The following DENND1A variants were observed in gnomAD, a reference collection of about 807,000 sequenced individuals.
DENND1A encodes the protein DENN domain containing 1A, also known as DENN domain-containing protein 1A.
DENND1A carries 51 observed loss-of-function variants against 113.7 expected under a neutral mutation model. The observed-to-expected ratio is 0.45, with a 90% CI of 0.36 to 0.57. The LOEUF is 0.57. DENND1A is among the 20% of genes least tolerant of loss of function. The probability of loss-of-function intolerance (pLI) is 0.00; values close to 1 mark genes in which losing one functional copy is unlikely to be tolerated. For missense variants in DENND1A, 1,258 were observed against 1,395.9 expected, an observed-to-expected ratio of 0.90 and a Z score of 1.57; for synonymous variants, 565 against 570.8, an observed-to-expected ratio of 0.99 and a Z score of 0.14.
intron 10 of DENND1A, 45 bp downstream of exon 10, chr9:123,630,331 A>G: frequency 7.4e-7 from 1 of 1,346,028 alleles, no homozygotes; most frequent in Non-Finnish European, 1.0e-6. Flanking sequence ...ACGCCCAGTC[A>G]GATCAGGGCA....
At chr9:123,386,223 CTA>C (rs999985403) in intron 22 of DENND1A, among the ~76,000 whole-genome samples, 2 of 152,084 alleles carry the variant, frequency 1.3e-5, no homozygotes, top group African/African-American at 4.8e-5. Context: ...GAAATAATAA[CTA>C]ATACATTACG....
intron 13 of DENND1A, among the ~76,000 whole-genome samples, chr9:123,490,136 T>C (rs1051852392): frequency 3.3e-5 from 5 of 152,188 alleles, no homozygotes; most frequent in Admixed American, 6.5e-5. Flanking sequence ...ACAATTTCCA[T>C]GGTAGGTGTA....
chr9:123,583,949 C>T (rs1291873142), intron 11 of DENND1A, among the ~76,000 whole-genome samples: 1 of 152,164 alleles, frequency 6.6e-6, no homozygotes, highest in African/African-American at 2.4e-5. Flanking sequence ...GATGAACGGA[C>T]AATATGGAGA....
At chr9:123,401,386 C>T (rs972610802) in intron 21 of DENND1A, 3 of 730,184 alleles carry the variant, frequency 4.1e-6, no homozygotes, top group African/African-American at 1.9e-5. Context: ...GAAAAACACC[C>T]GGGTTGCACT....
intron 2 of DENND1A, among the ~76,000 whole-genome samples, chr9:123,858,067 A>G (rs972590549): frequency 2.0e-5 from 3 of 151,924 alleles, no homozygotes; most frequent in Non-Finnish European, 4.4e-5. Flanking sequence ...TCAAAAAAAA[A>G]AAAAAAAAAG....
intron 8 of DENND1A, among the ~76,000 whole-genome samples, chr9:123,659,661 G>A (rs1311931380): frequency 6.6e-6 from 1 of 152,162 alleles, no homozygotes; most frequent in Non-Finnish European, 1.5e-5. Flanking sequence ...TTTTCCTTTT[G>A]TAGATAAGGA....
chr9:123,852,586 T>C (rs1843544100), intron 2 of DENND1A, among the ~76,000 whole-genome samples: 1 of 152,234 alleles, frequency 6.6e-6, no homozygotes, highest in African/African-American at 2.4e-5. Context: ...AGCCAGTCTG[T>C]CATGGACTCA....
At chr9:123,804,737 CAA>C (rs1835253757) in intron 2 of DENND1A, among the ~76,000 whole-genome samples, 1 of 152,196 alleles carries the variant, frequency 6.6e-6, no homozygotes, top group African/African-American at 2.4e-5. Flanking sequence ...ACTAAATCTT[CAA>C]AATATATTCA....
chr9:123,668,472 C>A (rs535511413), intron 7 of DENND1A, among the ~76,000 whole-genome samples: 3 of 152,178 alleles, frequency 2.0e-5, no homozygotes, highest in East Asian at 1.9e-4. Flanking sequence ...CTAATTCCCA[C>A]AACAAATTTT....
At chr9:123,641,796 T>G (rs2062042770) in intron 9 of DENND1A, among the ~76,000 whole-genome samples, 1 of 152,228 alleles carries the variant, frequency 6.6e-6, no homozygotes, top group African/African-American at 2.4e-5. Flanking sequence ...AATCAGGCTG[T>G]GTATCAATCA....
intron 11 of DENND1A, among the ~76,000 whole-genome samples, chr9:123,603,893 C>T (rs1452181222): frequency 1.3e-5 from 2 of 152,182 alleles, no homozygotes; most frequent in African/African-American, 2.4e-5. Flanking sequence ...ATTTTATGTA[C>T]ATGTTTTTGA....
chr9:123,464,744 T>C (rs1303684827), intron 13 of DENND1A, among the ~76,000 whole-genome samples: 3 of 152,264 alleles, frequency 2.0e-5, no homozygotes, highest in Middle Eastern at 6.8e-3. Flanking sequence ...TCAAAATTTT[T>C]AATTAAAACT....
chr9:123,540,556 A>G (rs920559225), intron 13 of DENND1A, among the ~76,000 whole-genome samples: 1 of 152,212 alleles, frequency 6.6e-6, no homozygotes, highest in Non-Finnish European at 1.5e-5. Context: ...GAAGAAGAGA[A>G]AAAAGAAGTG....
At chr9:123,552,210 G>A (rs888068552) in intron 13 of DENND1A, among the ~76,000 whole-genome samples, 1 of 152,162 alleles carries the variant, frequency 6.6e-6, no homozygotes, top group Non-Finnish European at 1.5e-5. Context: ...CCACGGACTG[G>A]AGCTGTCCCC....
At chr9:123,587,815 T>C (rs1016930725) in intron 11 of DENND1A, among the ~76,000 whole-genome samples, 3 of 152,234 alleles carry the variant, frequency 2.0e-5, no homozygotes, top group African/African-American at 7.2e-5. Context: ...AGCAATAGTT[T>C]CAGGGGGTCT....
chr9:123,797,576 T>C (rs2132150458), intron 2 of DENND1A, among the ~76,000 whole-genome samples: 1 of 152,274 alleles, frequency 6.6e-6, no homozygotes, highest in Middle Eastern at 3.4e-3. Context: ...AATATAGCGT[T>C]TCAAGGACAC....
intron 5 of DENND1A, among the ~76,000 whole-genome samples, chr9:123,718,315 G>A (rs2067115743): frequency 6.6e-6 from 1 of 152,116 alleles, no homozygotes; most frequent in African/African-American, 2.4e-5. Flanking sequence ...TTTAATGACT[G>A]CTATTATGGT....
At chr9:123,702,857 AC>A (rs988987064) in intron 5 of DENND1A, among the ~76,000 whole-genome samples, 13 of 151,734 alleles carry the variant, frequency 8.6e-5, no homozygotes, top group African/African-American at 2.9e-4. Flanking sequence ...ATAACATAAA[AC>A]ATCTGAAAGT....
intron 2 of DENND1A, among the ~76,000 whole-genome samples, chr9:123,859,964 C>CA (rs1405622286): frequency 6.6e-6 from 1 of 151,982 alleles, no homozygotes; most frequent in East Asian, 1.9e-4. Flanking sequence ...AAAGGTGTTA[C>CA]AAAGGGAATA....
Sources: allele counts gnomAD v4.1 joint callset (sites outside exome capture counted in the v4.1 genomes callset), GRCh38; gene constraint gnomAD v4.1.1; transcripts MANE v1.5; gene names NCBI Gene and HGNC (gene_info 2026-07-23, HGNC 2026-07-21).